The following COL6A6 variants were observed in gnomAD, a reference collection of about 807,000 sequenced individuals.
COL6A6 encodes collagen type VI alpha 6 chain, also known as collagen alpha-6(VI) chain.
Under a neutral mutation model 208.6 loss-of-function variants are expected in COL6A6, and 183 were observed. That is an observed-to-expected ratio of 0.88 (90% CI 0.78 to 0.99). COL6A6 has a LOEUF of 0.99. Ranked by LOEUF, COL6A6 falls within the 50% of genes least tolerant of loss-of-function variation. The probability of loss-of-function intolerance (pLI) is 0.00; values close to 1 mark genes in which losing one functional copy is unlikely to be tolerated. For missense variants in COL6A6, 2,816 were observed against 2,815.2 expected, an observed-to-expected ratio of 1.00 and a Z score of -0.01; for synonymous variants, 973 against 1,011.8, an observed-to-expected ratio of 0.96 and a Z score of 0.73.
chr3:130,674,939 A>G (rs2066321750), intron 36 of COL6A6, among the ~76,000 whole-genome samples: 4 of 152,206 alleles, frequency 2.6e-5, no homozygotes, highest in Non-Finnish European at 5.9e-5. Flanking sequence ...AGAACCAACC[A>G]TAGGTAGAAA....
intron 8 of COL6A6, among the ~76,000 whole-genome samples, chr3:130,578,612 AAG>A (rs1445846204): frequency 1.3e-5 from 2 of 152,294 alleles, no homozygotes; most frequent in African/African-American, 2.4e-5. Flanking sequence ...GAGGGAATAA[AAG>A]AGAGGATTTA....
intron 20 of COL6A6, among the ~76,000 whole-genome samples, chr3:130,603,483 A>T (rs1331056591): frequency 1.3e-5 from 2 of 152,144 alleles, no homozygotes; most frequent in African/African-American, 4.8e-5. Flanking sequence ...AAAAGGCAGG[A>T]AGGATGGACA....
At position 130,568,381 on chromosome 3, in the gene COL6A6, C is replaced by T. The variant is rs778915716; in HGVS notation, c.2178C>T (p.Leu726=). Residue 726 remains leucine (L), a synonymous_variant, in exon 6 of 37, where the codon CTC becomes CTT. Transcript: ENST00000358511. ...CCCGGCCCAACATCAGAAAGTTTCT[C>T]ATCCTCATCACGGATGGTGAAGCTC... is the stretch of plus-strand genomic sequence containing the variant. ...KGARPNIRKF[L]ILITDGEAQD... 2 of 1,613,964 alleles carry T rather than the reference C, an allele frequency of 1.2e-6. No homozygotes were observed. The highest frequency in any genetic ancestry group is 2.2e-5 in the East Asian group (1 of 44,876).
In COL6A6 at chr3:130,571,348, A is replaced by T. The variant is rs749031882; in HGVS notation, c.2932A>T (p.Ile978Leu). The stretch of plus-strand genomic sequence containing the variant: ...GGAGACTTTTGGAGGTCTGAAGGGA[A>T]TATTTTCAGATGTGACAGCCAGTGT... ...FVETFGGLKG[I>L]FSDVTASVCN... Residue 978 changes from isoleucine (I) to leucine (L), a missense_variant, in exon 7 of 37, where the codon ATA (isoleucine) becomes TTA (leucine). By Grantham distance (5) the Ile-to-Leu change is conservative. Transcript: ENST00000358511. 3 of 1,603,460 alleles carry T rather than the reference A, an allele frequency of 1.9e-6. No individual in the cohort carries two copies. The Admixed American group carries it at 5.2e-5, about 28-fold the overall frequency.
rs957823270 is a variant in COL6A6 at position 130,517,477 on chromosome 3, G to A, written c.-32+80G>A. 3.3e-5 allele frequency among the ~76,000 whole-genome samples: 5 copies of A among 152,358 alleles called. No homozygotes were observed. The East Asian group carries it at 9.6e-4, about 29-fold the overall frequency. Reference sequence around the variant, plus strand: ...GATCAGTAGTTGGATGGGAGGGACCGGCCAGAATAGAGGAGGCTGCATGAG... The same window carrying A: ...GATCAGTAGTTGGATGGGAGGGACCAGCCAGAATAGAGGAGGCTGCATGAG... On this transcript the variant is annotated intron_variant, in intron 1 of 36. Coordinates refer to ENST00000358511, the MANE Select transcript of COL6A6 (RefSeq NM_001102608.3).
intron 1 of COL6A6, among the ~76,000 whole-genome samples, chr3:130,529,682 C>T (rs2062038864): frequency 6.6e-6 from 1 of 152,158 alleles, no homozygotes; most frequent in African/African-American, 2.4e-5. Context: ...AGGTATCTTT[C>T]CTGGTCCACA....
In COL6A6 at chr3:130,642,886, CA is replaced by C. The variant is rs749571769; in HGVS notation, c.5190+21del. 1 of 1,613,692 alleles carries C rather than the reference CA, an allele frequency of 6.2e-7. No individual in the cohort carries two copies. Among genetic ancestry groups the C allele is most frequent in the South Asian group, 1.1e-5 (1 of 91,076 alleles). ...ATTTTCTGTACGTATCTCCCGACTA[CA>C]ACAGAGTGCTCTGAGTGCTCCATTC... On this transcript the variant is annotated intron_variant, in intron 30 of 36. Transcript: ENST00000358511.
Position 130,567,947 on chromosome 3 carries a change from C to A in COL6A6, c.1844-100C>A, listed in dbSNP as rs747118235. On this transcript the variant is annotated intron_variant, in intron 5 of 36. Transcript: ENST00000358511. ...TTACTACTAATTATTACTAAGTACA[C>A]ATGTCAATATAAAATTATTTGTGTT... 7 of 768,458 alleles carry A rather than the reference C, an allele frequency of 9.1e-6. No homozygotes were observed. The African/African-American group carries it at 1.0e-4, about 11-fold the overall frequency. The allele number at this position is 768,458 out of a possible 1,614,324, so 47.6% of individuals were successfully genotyped here.
At chr3:130,598,057 C>T (rs2063899232) in intron 18 of COL6A6, among the ~76,000 whole-genome samples, 1 of 152,152 alleles carries the variant, frequency 6.6e-6, no homozygotes, top group Non-Finnish European at 1.5e-5. Context: ...GAGGGATTTC[C>T]TCCAGACCCA....
At chr3:130,641,777 A>C in intron 29 of COL6A6, 63 bp downstream of exon 29, 1 of 976,620 alleles carries the variant, frequency 1.0e-6, no homozygotes, top group South Asian at 1.7e-5. Flanking sequence ...AAGTCAGTGC[A>C]TGAAATCTTC....
intron 1 of COL6A6, among the ~76,000 whole-genome samples, chr3:130,556,439 T>G (rs13093742): frequency 6.6e-6 from 1 of 152,210 alleles, no homozygotes. Flanking sequence ...TCTTGAAAGG[T>G]TGGTGGAACT....
chr3:130,539,618 G>A (rs2062310152), intron 1 of COL6A6, among the ~76,000 whole-genome samples: 2 of 142,246 alleles, frequency 1.4e-5, no homozygotes, highest in East Asian at 2.0e-4. Context: ...GGACAACAGA[G>A]CGAGACTCCG....
chr3:130,655,322 A>G (rs1204450048), intron 33 of COL6A6, among the ~76,000 whole-genome samples: 1 of 152,204 alleles, frequency 6.6e-6, no homozygotes, highest in Admixed American at 6.5e-5. Flanking sequence ...TGTTGAATCC[A>G]GATGAACCCA....
chr3:130,591,768 T>C (rs1198347400), intron 13 of COL6A6, among the ~76,000 whole-genome samples: 1 of 152,240 alleles, frequency 6.6e-6, no homozygotes, highest in Non-Finnish European at 1.5e-5. Context: ...ACTAGAAGTA[T>C]AGAGACATGC....
chr3:130,576,175 A>G (rs560997887), intron 8 of COL6A6, among the ~76,000 whole-genome samples: 8 of 152,252 alleles, frequency 5.3e-5, no homozygotes, highest in African/African-American at 1.7e-4. Context: ...AGGGAGGGCA[A>G]TATTCCATCC....
intron 31 of COL6A6, among the ~76,000 whole-genome samples, chr3:130,644,693 A>ATTTTC (rs2065418044): frequency 1.3e-5 from 2 of 151,870 alleles, no homozygotes; most frequent in African/African-American, 4.8e-5. Context: ...AATTCAGCGC[A>ATTTTC]CCTCCCTGCA....
At chr3:130,637,814 A>G (rs777952577) in intron 28 of COL6A6, among the ~76,000 whole-genome samples, 2 of 151,876 alleles carry the variant, frequency 1.3e-5, no homozygotes, top group African/African-American at 2.4e-5. Context: ...GTTTGTATGC[A>G]TTTTGTTTTT....
In COL6A6 at chr3:130,649,225, A is replaced by C. The variant is rs7614116; in HGVS notation, c.5396A>C (p.His1799Pro). The change falls in exon 33 of 37, where the codon CAC becomes CCC. Residue 1799 changes from histidine to proline, a missense_variant. Transcript: ENST00000358511. Reference protein sequence around the residue: ...VRENSCPVGAHIAILSYNSHA... With the variant: ...VRENSCPVGAPIAILSYNSHA... ...GAGAACAGCTGCCCCGTGGGAGCGC[A>C]CATCGCCATCCTCTCCTATAACTCC... 1 of 1,589,408 alleles carries C rather than the reference A, an allele frequency of 6.3e-7. No homozygotes were observed. The highest frequency in any genetic ancestry group is 8.6e-7 in the Non-Finnish European group (1 of 1,168,114).
In COL6A6 at chr3:130,571,064, G is replaced by A. The variant is rs373503888; in HGVS notation, c.2648G>A (p.Gly883Asp). The A allele has an allele frequency of 3.7e-6, 6 of 1,613,754 alleles. No individual in the cohort carries two copies. The African/African-American group carries it at 6.7e-5, about 18-fold the overall frequency. Residue 883 changes from glycine to aspartate, a missense_variant, in exon 7 of 37, where the codon GGT becomes GAT. Transcript: ENST00000358511. ...GTGCTCCAGAATGACCAAGCCATGG[G>A]TGGCAGTACTTATACTGCTGAGGCA... ...ISVLQNDQAMGGSTYTAEALG... is the reference protein window; with the variant it reads ...ISVLQNDQAMDGSTYTAEALG...
Sources: allele counts gnomAD v4.1 joint callset (sites outside exome capture counted in the v4.1 genomes callset), GRCh38; gene constraint gnomAD v4.1.1; transcripts MANE v1.5; gene names NCBI Gene and HGNC (gene_info 2026-07-23, HGNC 2026-07-21).